The following ERG variants were observed in gnomAD, a reference collection of about 807,000 sequenced individuals.
The protein encoded by ERG is transcriptional regulator ERG.
A neutral mutation model predicts 55.3 loss-of-function variants in ERG; 9 were observed. The ratio of observed to expected loss-of-function variants is 0.16; its 90% CI spans 0.10 to 0.28. The LOEUF is 0.28. Ranked by LOEUF, ERG falls within the 10% of genes least tolerant of loss-of-function variation. ERG has a pLI of 1.00. For synonymous variants in ERG, 223 were observed against 237.3 expected, an observed-to-expected ratio of 0.94 and a Z score of 0.55; for missense variants, 434 against 631.6, an observed-to-expected ratio of 0.69 and a Z score of 3.35.
intron 1 of ERG, among the ~76,000 whole-genome samples, chr21:38,579,479 A>G (rs1485884298): frequency 6.6e-6 from 1 of 152,146 alleles, no homozygotes; most frequent in Non-Finnish European, 1.5e-5. Context: ...AGGCGTGTGG[A>G]TATACCTAGA....
intron 1 of ERG, among the ~76,000 whole-genome samples, chr21:38,615,320 A>C (rs2060252056): frequency 2.0e-5 from 3 of 152,186 alleles, no homozygotes. Flanking sequence ...ATGCGGAATT[A>C]CCTCACTGAA....
intron 1 of ERG, among the ~76,000 whole-genome samples, chr21:38,644,335 A>AC (rs2060443484): frequency 6.6e-6 from 1 of 152,166 alleles, no homozygotes; most frequent in African/African-American, 2.4e-5. Context: ...ATGGGAAGAC[A>AC]TTTTCCTTTT....
chr21:38,411,911 G>A (rs1989074744), intron 3 of ERG, among the ~76,000 whole-genome samples: 1 of 152,104 alleles, frequency 6.6e-6, no homozygotes, highest in South Asian at 2.1e-4. Context: ...TTATATATTT[G>A]TCATGAATTT....
intron 1 of ERG, among the ~76,000 whole-genome samples, chr21:38,593,653 A>T (rs952271252): frequency 1.2e-4 from 18 of 152,348 alleles, no homozygotes; most frequent in African/African-American, 4.3e-4. Context: ...AAAAAAATAC[A>T]TAATTACTTC....
In ERG at chr21:38,436,042, G is replaced by A. The variant is rs568490706; in HGVS notation, c.236+9362C>T. Among the ~76,000 whole-genome samples the A allele has an allele frequency of 1.6e-4, 21 of 128,360 alleles. 1 individual carries two copies. In the South Asian group the frequency reaches 4.1e-3, roughly 25 times the overall value. 84.2% of individuals were successfully genotyped at this position (128,360 alleles called of 152,430 possible). A position where few individuals can be genotyped will look rare whatever the true frequency, so the allele number is the denominator to read the frequency against. ...TTTCTTTTTTTTTTTTTTTTGAGAC[G>A]GAGTTTTGCTCTTGTTGCCTAGGCT... On this transcript the variant is annotated intron_variant, in intron 2 of 9. Coordinates refer to ENST00000288319, the MANE Select transcript of ERG (RefSeq NM_182918.4).
chr21:38,604,185 C>T (rs1242337435), intron 1 of ERG, among the ~76,000 whole-genome samples: 2 of 148,504 alleles, frequency 1.3e-5, no homozygotes, highest in Admixed American at 1.4e-4. Flanking sequence ...ACCCGGGAGG[C>T]GGAGCTTGCA....
chr21:38,602,617 A>G (rs1432021928), intron 1 of ERG, among the ~76,000 whole-genome samples: 2 of 152,018 alleles, frequency 1.3e-5, no homozygotes, highest in Non-Finnish European at 2.9e-5. Flanking sequence ...TCATTAAAAA[A>G]CACTGCTCCA....
At chr21:38,588,831 C>G (rs2146890129), upstream of ERG, among the ~76,000 whole-genome samples, 1 of 152,228 alleles carries the variant, frequency 6.6e-6, no homozygotes, top group African/African-American at 2.4e-5. Flanking sequence ...ATCCTCCCAC[C>G]TCAGCCACCC....
intron 2 of ERG, among the ~76,000 whole-genome samples, chr21:38,426,355 AGAGTG>A (rs1601381793): frequency 6.6e-6 from 1 of 152,200 alleles, no homozygotes; most frequent in African/African-American, 2.4e-5. Context: ...TCAGTTGAGT[AGAGTG>A]TATATGTTTT....
intron 2 of ERG, among the ~76,000 whole-genome samples, chr21:38,522,396 G>T (rs938960477): frequency 4.6e-5 from 7 of 151,784 alleles, no homozygotes; most frequent in Non-Finnish European, 7.4e-5. Context: ...ACTAACATTT[G>T]AAAAGATTGA....
At chr21:38,420,555 A>C (rs957355575) in intron 3 of ERG, among the ~76,000 whole-genome samples, 2 of 152,214 alleles carry the variant, frequency 1.3e-5, no homozygotes, top group African/African-American at 4.8e-5. Context: ...TTGCAGAGCT[A>C]TCCTTGCATC....
intron 1 of ERG, among the ~76,000 whole-genome samples, chr21:38,476,308 A>G (rs902141884): frequency 6.6e-6 from 1 of 152,174 alleles, no homozygotes; most frequent in Non-Finnish European, 1.5e-5. Context: ...GGCGGGCTGC[A>G]ATCGCCCCTA....
intron 1 of ERG, among the ~76,000 whole-genome samples, chr21:38,478,054 C>T (rs193213182): frequency 1.3e-5 from 2 of 152,198 alleles, no homozygotes; most frequent in Non-Finnish European, 2.9e-5. Flanking sequence ...CATAATACTC[C>T]AGGCCTCAGA....
chr21:38,642,222 C>T (rs541060692), intron 1 of ERG, among the ~76,000 whole-genome samples: 2 of 152,252 alleles, frequency 1.3e-5, no homozygotes, highest in African/African-American at 4.8e-5. Flanking sequence ...AATATGATCC[C>T]CTTTGGGGAA....
chr21:38,411,452 G>A (rs1161218023), intron 3 of ERG, among the ~76,000 whole-genome samples: 1 of 152,086 alleles, frequency 6.6e-6, no homozygotes, highest in Non-Finnish European at 1.5e-5. Flanking sequence ...GGGATTACAG[G>A]CACCCACCAC....
downstream of ERG, among the ~76,000 whole-genome samples, chr21:38,375,843 A>G (rs767323158): frequency 6.6e-6 from 1 of 152,076 alleles, no homozygotes; most frequent in African/African-American, 2.4e-5. Flanking sequence ...TCATAGTCCC[A>G]CTGTCTTGCT....
At chr21:38,492,766 T>C (rs1601130586) in intron 1 of ERG, among the ~76,000 whole-genome samples, 1 of 152,056 alleles carries the variant, frequency 6.6e-6, no homozygotes, top group African/African-American at 2.4e-5. Flanking sequence ...CCAAGCTCAG[T>C]AGGGGAAATA....
At chr21:38,621,124 C>T (rs984382370) in intron 1 of ERG, among the ~76,000 whole-genome samples, 2 of 152,140 alleles carry the variant, frequency 1.3e-5, no homozygotes, top group African/African-American at 2.4e-5. Context: ...TGGGAGTCAT[C>T]GGTGTAGGTG....
intron 2 of ERG, among the ~76,000 whole-genome samples, chr21:38,522,030 CA>C (rs1204998400): frequency 6.6e-6 from 1 of 152,136 alleles, no homozygotes; most frequent in Non-Finnish European, 1.5e-5. Flanking sequence ...ATGTCATATA[CA>C]ATAACTACAA....
Sources: gnomAD v4.1 joint callset for allele counts (sites outside exome capture counted in the v4.1 genomes callset) on GRCh38, gnomAD v4.1.1 for gene constraint, MANE v1.5 for transcripts, NCBI Gene and HGNC (gene_info 2026-07-23, HGNC 2026-07-21) for gene names.